Variants in C11orf54 observed in about 807,000 individuals in gnomAD.
C11orf54 encodes beta-keto-L-gulonate decarboxylase.
Under a neutral mutation model 35.5 loss-of-function variants are expected in C11orf54, and 29 were observed. The observed-to-expected ratio is 0.82, with a 90% CI of 0.61 to 1.11. C11orf54 has a LOEUF of 1.11. Among genes scored for constraint, C11orf54 ranks in the 50% most tolerant of loss-of-function variants. The pLI is 0.00. For synonymous variants in C11orf54, 108 were observed against 121.1 expected (o/e 0.89, Z 0.71); for missense variants, 373 against 369.2 (o/e 1.01, Z -0.08).
intron 5 of C11orf54, 29 bp downstream of exon 5, chr11:93,754,066 T>C: frequency 1.9e-6 from 3 of 1,574,862 alleles, no homozygotes; most frequent in Middle Eastern, 1.7e-4. Context: ...ATTATTTTAC[T>C]TTATTGGTTT....
chr11:93,763,620 G>T lies in C11orf54; in HGVS notation c.*1932G>T, dbSNP rs183765418. On this transcript the variant is annotated 3_prime_UTR_variant, in exon 9 of 9. Coordinates refer to ENST00000354421, the MANE Select transcript of C11orf54 (RefSeq NM_001286069.2). ...AAAATTTTTTAATTATCTGGGCATG[G>T]TTGTGCACACCTGTTGTCCCAGCTG... is the stretch of plus-strand genomic sequence containing the variant. 6.6e-6 allele frequency: 1 copy of T among 152,228 alleles called. No individual in the cohort carries two copies. The highest frequency in any genetic ancestry group is 1.9e-4 in the East Asian group (1 of 5,174). 9.4% of individuals were successfully genotyped at this position (152,228 alleles called of 1,614,324 possible). A position where few individuals can be genotyped will look rare whatever the true frequency, so the allele number is the denominator to read the frequency against.
rs1186453883 is a variant in C11orf54 at position 93,762,532 on chromosome 11, G to A, written c.*844G>A. 1 of 152,170 alleles carries A rather than the reference G, an allele frequency of 6.6e-6. No individual in the cohort carries two copies. Among genetic ancestry groups the A allele is most frequent in the Non-Finnish European group, 1.5e-5 (1 of 68,044 alleles). 9.4% of individuals were successfully genotyped at this position (152,170 alleles called of 1,614,324 possible). On this transcript the variant is annotated 3_prime_UTR_variant, in exon 9 of 9. Transcript: ENST00000354421. The stretch of plus-strand genomic sequence containing the variant: ...TGAAGCCTGTGATCCCAGCATGTTG[G>A]GAGGCCGAGTGGGAGGATTGCCTGA...
chr11:93,750,590 ACT>A (rs1942762144), intron 3 of C11orf54, 146 bp downstream of exon 3: 2 of 628,308 alleles, frequency 3.2e-6, no homozygotes, highest in Admixed American at 5.8e-5. Context: ...TTCTGTGCTC[ACT>A]CTTCTGATAT....
At position 93,757,140 on chromosome 11, in the gene C11orf54, GCATA is replaced by G. The variant is rs1255602276; in HGVS notation, c.508-171_508-168del. On this transcript the variant is annotated intron_variant, in intron 6 of 8. Transcript: ENST00000354421. ...CTGATAAGTATGTGTGTGTGTGTGT[GCATA>G]CATATATATATGACTGATCAAAATT... 1.9e-3 allele frequency among the ~76,000 whole-genome samples: 289 copies of G among 151,386 alleles called. 12 individuals carry two copies. The East Asian group carries it at 0.053, about 28-fold the overall frequency.
chr11:93,760,996 A>G (rs1388836165), intron 8 of C11orf54, among the ~76,000 whole-genome samples: 3 of 152,178 alleles, frequency 2.0e-5, no homozygotes, highest in East Asian at 1.9e-4. Context: ...TGCCTAGGAT[A>G]TTATACTTAA....
intron 6 of C11orf54, among the ~76,000 whole-genome samples, chr11:93,755,752 C>CAAAAAAAAAAAAA (rs11452678): frequency 9.1e-6 from 1 of 109,802 alleles, no homozygotes. Context: ...GACTCTGTCT[C>CAAAAAAAAAAAAA]AAAAAAAAAA....
chr11:93,753,199 A>G (rs1173385356), intron 3 of C11orf54, among the ~76,000 whole-genome samples: 1 of 151,388 alleles, frequency 6.6e-6, no homozygotes, highest in East Asian at 2.0e-4. Flanking sequence ...CTGGTCTCGA[A>G]CTCCTGACTT....
At position 93,753,940 on chromosome 11, in the gene C11orf54, A is replaced by G. The variant is rs769747333; in HGVS notation, c.233A>G (p.Tyr78Cys). 17 of 1,613,610 alleles carry G rather than the reference A, an allele frequency of 1.1e-5. No homozygotes were observed. Among genetic ancestry groups the G allele is most frequent in the Non-Finnish European group, 1.4e-5 (17 of 1,179,654 alleles). The change falls in exon 5 of 9, where the codon TAT (tyrosine) becomes TGT (cysteine). Residue 78 changes from tyrosine to cysteine, a missense_variant. Coordinates refer to ENST00000354421, the MANE Select transcript of C11orf54 (RefSeq NM_001286069.2). ...LLPLVNQKKV[Y>C]DLNKIAKEIK... ...ATATTTTTTCCTCTTCTATAGGTTTATGATCTGAATAAAATTGCAAAAGAA... is the reference window on the plus strand; with the variant it reads ...ATATTTTTTCCTCTTCTATAGGTTTGTGATCTGAATAAAATTGCAAAAGAA...
intron 5 of C11orf54, 160 bp from the exon 6 acceptor site, chr11:93,755,050 C>T: frequency 2.4e-6 from 2 of 827,162 alleles, no homozygotes; most frequent in Middle Eastern, 7.8e-4. Flanking sequence ...AAATGTTTTC[C>T]AAGTTTTTTA....
rs1419507284 is a variant in C11orf54 at position 93,763,581 on chromosome 11, G to T, written c.*1893G>T. The T allele has an allele frequency of 6.6e-6, 1 of 151,840 alleles. No individual in the cohort carries two copies. The highest frequency in any genetic ancestry group is 2.4e-5 in the African/African-American group (1 of 41,296). The allele number at this position is 151,840 out of a possible 1,614,324, so 9.4% of individuals were successfully genotyped here. On this transcript the variant is annotated 3_prime_UTR_variant, in exon 9 of 9. Coordinates refer to ENST00000354421, the MANE Select transcript of C11orf54 (RefSeq NM_001286069.2). ...GCAACAGAGAGAGACCCCCATCTCT[G>T]CAAAAAAAGAAAAAAAATTTTTTAA...
rs1331972645 is a variant in C11orf54 at position 93,763,961 on chromosome 11, A to G, written c.*2273A>G. ...TTCTTGCATGTGGTTTGAATTTCCC[A>G]CTGGTATCAAAGAAGGAAACACCCA... On this transcript the variant is annotated 3_prime_UTR_variant, in exon 9 of 9. Coordinates refer to ENST00000354421, the MANE Select transcript of C11orf54 (RefSeq NM_001286069.2). The G allele has an allele frequency of 6.6e-6, 1 of 152,114 alleles. No individual in the cohort carries two copies. Among genetic ancestry groups the G allele is most frequent in the African/African-American group, 2.4e-5 (1 of 41,390 alleles). 9.4% of individuals were successfully genotyped at this position (152,114 alleles called of 1,614,324 possible).
intron 7 of C11orf54, among the ~76,000 whole-genome samples, chr11:93,759,449 G>A (rs1943339708): frequency 6.6e-6 from 1 of 152,176 alleles, no homozygotes; most frequent in African/African-American, 2.4e-5. Flanking sequence ...TGAACAATGG[G>A]AACACATGGA....
chr11:93,757,533 A>ATT (rs369459092), intron 7 of C11orf54, 68 bp downstream of exon 7: 281 of 1,202,016 alleles, frequency 2.3e-4, no homozygotes, highest in South Asian at 3.0e-4. Context: ...AGATCTTAGG[A>ATT]TTTTTTTTTT....
At chr11:93,743,772 A>T (rs986545338) in intron 1 of C11orf54, among the ~76,000 whole-genome samples, 2 of 152,168 alleles carry the variant, frequency 1.3e-5, no homozygotes, top group African/African-American at 4.8e-5. Context: ...AATGGTAACC[A>T]GTTTAGTTGC....
rs1943543746 is a variant in C11orf54, at chr11:93,763,051, A to C, written c.*1363A>C. 1 of 152,168 alleles carries C rather than the reference A, an allele frequency of 6.6e-6. No homozygotes were observed. Among genetic ancestry groups the C allele is most frequent in the Non-Finnish European group, 1.5e-5 (1 of 68,026 alleles). 9.4% of individuals were successfully genotyped at this position (152,168 alleles called of 1,614,324 possible). ...AATTCCAATTTTAAGCACTATTTTG[A>C]TGCAAAAAAATGAATAAAAAATTTA... On this transcript the variant is annotated 3_prime_UTR_variant, in exon 9 of 9. Coordinates refer to ENST00000354421, the MANE Select transcript of C11orf54 (RefSeq NM_001286069.2).
intron 1 of C11orf54, among the ~76,000 whole-genome samples, chr11:93,745,429 C>T (rs1478861804): frequency 2.0e-5 from 3 of 152,200 alleles, no homozygotes; most frequent in Non-Finnish European, 4.4e-5. Flanking sequence ...AGCATACAGT[C>T]TGCAAACATA....
chr11:93,749,633 A>G (rs1942706700), intron 2 of C11orf54, among the ~76,000 whole-genome samples: 1 of 152,040 alleles, frequency 6.6e-6, no homozygotes, highest in Non-Finnish European at 1.5e-5. Context: ...TGGGCAATAT[A>G]GCAAGACCTG....
intron 6 of C11orf54, among the ~76,000 whole-genome samples, 167 bp from the exon 7 acceptor site, chr11:93,757,149 T>C (rs538097722): frequency 4.6e-5 from 7 of 152,276 alleles, no homozygotes; most frequent in African/African-American, 1.7e-4. Context: ...TGCATACATA[T>C]ATATATGACT....
At chr11:93,743,428 C>T (rs1942262639) in intron 1 of C11orf54, among the ~76,000 whole-genome samples, 1 of 152,254 alleles carries the variant, frequency 6.6e-6, no homozygotes, top group Non-Finnish European at 1.5e-5. Flanking sequence ...GCCTCACTTA[C>T]TTAGCCCACG....
Sources: allele counts gnomAD v4.1 joint callset (sites outside exome capture counted in the v4.1 genomes callset), GRCh38; gene constraint gnomAD v4.1.1; transcripts MANE v1.5; gene names NCBI Gene and HGNC (gene_info 2026-07-23, HGNC 2026-07-21).